Variants in GOLM1 observed in about 807,000 individuals in gnomAD.
The protein encoded by GOLM1 is golgi membrane protein 1.
GOLM1 carries 31 observed loss-of-function variants against 50.5 expected under a neutral mutation model. The ratio of observed to expected loss-of-function variants is 0.61; its 90% confidence interval spans 0.46 to 0.83. The LOEUF is 0.83. Ranked by LOEUF, GOLM1 falls within the 40% of genes least tolerant of loss-of-function variation. The probability of loss-of-function intolerance (pLI) is 0.00; values close to 1 mark genes in which losing one functional copy is unlikely to be tolerated. For synonymous variants in GOLM1, 178 were observed against 192.8 expected, an observed-to-expected ratio of 0.92 and a Z score of 0.64; for missense variants, 491 against 501.3, an observed-to-expected ratio of 0.98 and a Z score of 0.20.
At chr9:86,052,306 T>C (rs1368157395) in intron 4 of GOLM1, among the ~76,000 whole-genome samples, 1 of 152,218 alleles carries the variant, frequency 6.6e-6, no homozygotes, top group Non-Finnish European at 1.5e-5. Context: ...AGTGACACTC[T>C]TAACTCTTCT....
At chr9:86,080,189 A>C (rs975605285) in intron 1 of GOLM1, 3 of 152,246 alleles carry the variant, frequency 2.0e-5, no homozygotes, top group Non-Finnish European at 2.9e-5. Context: ...TGTACACCTC[A>C]TGTTAGGAAA....
At chr9:86,082,805 T>A (rs1379746575) in intron 1 of GOLM1, among the ~76,000 whole-genome samples, 2 of 152,194 alleles carry the variant, frequency 1.3e-5, no homozygotes, top group Non-Finnish European at 2.9e-5. Context: ...TTTTTTAACC[T>A]CCCCAGGTGA....
chr9:86,076,470 TTAA>T (rs1355901485), intron 3 of GOLM1, among the ~76,000 whole-genome samples: 2 of 134,720 alleles, frequency 1.5e-5, no homozygotes, highest in African/African-American at 5.7e-5. Context: ...ATTTTTCTAG[TTAA>T]TAATAGAGGC....
At chr9:86,087,900 C>CT (rs1410325954) in intron 1 of GOLM1, among the ~76,000 whole-genome samples, 1 of 152,054 alleles carries the variant, frequency 6.6e-6, no homozygotes, top group Non-Finnish European at 1.5e-5. Flanking sequence ...CTGAAATTTT[C>CT]TTTTTTTGTT....
intron 5 of GOLM1, among the ~76,000 whole-genome samples, chr9:86,044,497 C>T (rs949292487): frequency 1.3e-5 from 2 of 152,186 alleles, no homozygotes; most frequent in East Asian, 3.8e-4. Flanking sequence ...CAAATCCTTT[C>T]AGAATGCAAT....
chr9:86,073,589 A>T lies in GOLM1; in HGVS notation c.309+3823T>A, dbSNP rs7848740. Reference sequence around the variant, plus strand: ...CATCTTCCATTGCCCAATTGCCCACACTGCTCCCGAACCTTACAGAGAAGG... The same window carrying T: ...CATCTTCCATTGCCCAATTGCCCACTCTGCTCCCGAACCTTACAGAGAAGG... On this transcript the variant is annotated intron_variant, in intron 3 of 9. Transcript: ENST00000388712. Among the ~76,000 whole-genome samples, 595 of 152,168 alleles carry T rather than the reference A, an allele frequency of 3.9e-3. 3 individuals carry two copies. The highest frequency in any genetic ancestry group is 0.014 in the African/African-American group (566 of 41,506).
chr9:86,085,732 T>C (rs1834940089), intron 1 of GOLM1, among the ~76,000 whole-genome samples: 2 of 152,246 alleles, frequency 1.3e-5, no homozygotes, highest in Middle Eastern at 6.8e-3. Context: ...ACATGTGGTG[T>C]TTGGTTTTCT....
chr9:86,083,839 A>G (rs1056796222), intron 1 of GOLM1, among the ~76,000 whole-genome samples: 1 of 152,220 alleles, frequency 6.6e-6, no homozygotes, highest in African/African-American at 2.4e-5. Flanking sequence ...GAAAGTTTTA[A>G]AAACTTTTCC....
chr9:86,076,723 G>A (rs1834627300), intron 3 of GOLM1, among the ~76,000 whole-genome samples: 1 of 151,728 alleles, frequency 6.6e-6, no homozygotes, highest in Non-Finnish European at 1.5e-5. Context: ...AAATTAGCTG[G>A]GCGTGGTGGC....
chr9:86,099,955 AGTC>A (rs1207024528), upstream of GOLM1: 3 of 152,298 alleles, frequency 2.0e-5, no homozygotes, highest in East Asian at 1.9e-4. Flanking sequence ...TCTTTATAAA[AGTC>A]GTCGGGTCAA....
chr9:86,094,781 T>TTTAAAATA (rs1376379436), intron 1 of GOLM1, among the ~76,000 whole-genome samples: 2 of 152,006 alleles, frequency 1.3e-5, no homozygotes, highest in African/African-American at 4.8e-5. Flanking sequence ...CAAAAAAATA[T>TTTAAAATA]TTAAAAAAGA....
intron 5 of GOLM1, among the ~76,000 whole-genome samples, chr9:86,043,129 G>T (rs7020338): frequency 0.01 from 1,597 of 152,278 alleles, 26 homozygotes; most frequent in South Asian, 0.033. Context: ...TACTTTATAT[G>T]CCAGTGTCAA....
Position 86,096,415 on chromosome 9 carries a change from A to G in GOLM1, c.-22+2996T>C, listed in dbSNP as rs902101438. Among the ~76,000 whole-genome samples, 14 of 152,204 alleles carry G rather than the reference A, an allele frequency of 9.2e-5. 1 individual carries two copies. The highest frequency in any genetic ancestry group is 8.5e-4 in the Admixed American group (13 of 15,294). ...GGTCCTTTTCAGAAACAGGTTGCCA[A>G]CTCCTGCTGTAGTTCAATGGTCCTT... On this transcript the variant is annotated intron_variant, in intron 1 of 9. Transcript: ENST00000388712.
chr9:86,047,619 CT>C (rs1237238504), intron 4 of GOLM1, among the ~76,000 whole-genome samples: 2 of 152,092 alleles, frequency 1.3e-5, no homozygotes, highest in African/African-American at 2.4e-5. Flanking sequence ...ATCTGCGAGA[CT>C]ATTTGTCAGG....
At chr9:86,028,422 G>A (rs1377817652) in intron 9 of GOLM1, among the ~76,000 whole-genome samples, 1 of 152,176 alleles carries the variant, frequency 6.6e-6, no homozygotes, top group Non-Finnish European at 1.5e-5. Flanking sequence ...GACTCCAGAG[G>A]AAGACTACCT....
rs760184860 is a variant in GOLM1 at position 86,046,554 on chromosome 9, T to C, written c.383A>G (p.Gln128Arg). 17 of 1,610,664 alleles carry C rather than the reference T, an allele frequency of 1.1e-5. No individual in the cohort carries two copies. Among genetic ancestry groups the C allele is most frequent in the Non-Finnish European group, 1.4e-5 (16 of 1,177,596 alleles). The change falls in exon 5 of 10, where the codon CAG becomes CGG. Residue 128 changes from glutamine (Q) to arginine (R), a missense_variant. Physicochemically the swap from Gln to Arg is conservative, Grantham distance 43. Coordinates refer to ENST00000388712, the MANE Select transcript of GOLM1 (RefSeq NM_016548.4). ...CTGCTGCAGCCTGCCGTAATTCCTC[T>C]GCAGGGTCTTTAACTGGTCTACACC... ...RVLQDQLKTLQRNYGRLQQDV... is the reference protein window; with the variant it reads ...RVLQDQLKTLRRNYGRLQQDV...
At chr9:86,032,057 T>C (rs1017610662) in intron 9 of GOLM1, among the ~76,000 whole-genome samples, 1 of 151,600 alleles carries the variant, frequency 6.6e-6, no homozygotes, top group South Asian at 2.1e-4. Flanking sequence ...TCTCTGGGTA[T>C]AGCTGCCACT....
rs999131047 is a variant in GOLM1 at position 86,079,373 on chromosome 9, A to G, written c.-21-32T>C. 39 of 1,515,168 alleles carry G rather than the reference A, an allele frequency of 2.6e-5. No homozygotes were observed. The Admixed American group carries it at 6.0e-4, about 23-fold the overall frequency. The allele number at this position is 1,515,168 out of a possible 1,614,324, so 93.9% of individuals were successfully genotyped here. On this transcript the variant is annotated intron_variant, in intron 1 of 9. Coordinates refer to ENST00000388712, the MANE Select transcript of GOLM1 (RefSeq NM_016548.4). Reference sequence around the variant, plus strand: ...AGTAAAAGCAAATAAATAAACATCAATACTAGTTTTATCATCTCCGAAGCA... The same window carrying G: ...AGTAAAAGCAAATAAATAAACATCAGTACTAGTTTTATCATCTCCGAAGCA...
At chr9:86,083,979 G>A (rs1928230) in intron 1 of GOLM1, among the ~76,000 whole-genome samples, 36,734 of 152,086 alleles carry the variant, frequency 0.24, 7,539 homozygotes, top group African/African-American at 0.54. Flanking sequence ...TTGAGCATGC[G>A]GTGCTGTCCT....
Sources: gnomAD v4.1 joint callset for allele counts (sites outside exome capture counted in the v4.1 genomes callset) on GRCh38, gnomAD v4.1.1 for gene constraint, MANE v1.5 for transcripts, NCBI Gene and HGNC (gene_info 2026-07-23, HGNC 2026-07-21) for gene names.